WDR33: variants seen among roughly 807,000 people sequenced by gnomAD.
WDR33 encodes the protein pre-mRNA 3' end processing protein WDR33.
Under a neutral mutation model 164.9 loss-of-function variants are expected in WDR33, and 47 were observed. The ratio of observed to expected loss-of-function variants is 0.29; its 90% CI spans 0.23 to 0.36. The LOEUF is 0.36. WDR33 is among the 10% of genes least tolerant of loss of function. WDR33 has a pLI of 1.00. For missense variants in WDR33, 1,137 were observed against 1,754.1 expected (o/e 0.65, Z 6.28); for synonymous variants, 505 against 589.0 (o/e 0.86, Z 2.06).
At chr2:127,771,161 G>A (rs1306338818) in intron 1 of WDR33, among the ~76,000 whole-genome samples, 157 bp from the exon 2 acceptor site, 1 of 152,060 alleles carries the variant, frequency 6.6e-6, no homozygotes, top group Non-Finnish European at 1.5e-5. Flanking sequence ...ACTTAACAAC[G>A]GGCGTATGTT....
chr2:127,782,763 A>G (rs1220747993), intron 1 of WDR33, among the ~76,000 whole-genome samples: 1 of 152,192 alleles, frequency 6.6e-6, no homozygotes. Context: ...CAATCCCAAC[A>G]CTTTGGGAGG....
At chr2:127,779,084 G>A (rs1462262122) in intron 1 of WDR33, among the ~76,000 whole-genome samples, 4 of 151,856 alleles carry the variant, frequency 2.6e-5, no homozygotes, top group East Asian at 1.9e-4. Flanking sequence ...AGCCTAAAGC[G>A]GTGCTTTTTC....
chr2:127,759,246 C>A (rs1687608440), intron 7 of WDR33, among the ~76,000 whole-genome samples: 1 of 152,088 alleles, frequency 6.6e-6, no homozygotes. Flanking sequence ...TCTGTTTTTT[C>A]AACTTATGTA....
intron 21 of WDR33, among the ~76,000 whole-genome samples, chr2:127,707,560 T>G (rs1003338119): frequency 3.3e-5 from 5 of 152,220 alleles, no homozygotes; most frequent in African/African-American, 1.2e-4. Context: ...AATAATGGTG[T>G]GCTGAGTGCC....
intron 4 of WDR33, among the ~76,000 whole-genome samples, chr2:127,766,575 T>C (rs569311436): frequency 6.6e-5 from 10 of 152,310 alleles, no homozygotes; most frequent in African/African-American, 1.9e-4. Flanking sequence ...TCAAACCTTA[T>C]AGCGTAATCC....
rs115515752 is a variant in WDR33, at chr2:127,726,415, G to C, written c.851+236C>G. Reference sequence around the variant, plus strand: ...TCCCTCCTCATCCTCCTCCCCACCCGTATATAACAACCAAATTAAACTTAG... The same window carrying C: ...TCCCTCCTCATCCTCCTCCCCACCCCTATATAACAACCAAATTAAACTTAG... On this transcript the variant is annotated intron_variant, in intron 8 of 21. Coordinates refer to ENST00000322313, the MANE Select transcript of WDR33 (RefSeq NM_018383.5). The surrounding 1 kb of genome is among the most constrained non-coding windows in gnomAD (Gnocchi z 4.8). Among the ~76,000 whole-genome samples, 1,065 of 152,162 alleles carry C rather than the reference G, an allele frequency of 7.0e-3. 10 individuals carry two copies. Among genetic ancestry groups the C allele is most frequent in the African/African-American group, 0.024 (1,013 of 41,508 alleles).
chr2:127,763,047 T>G lies in WDR33; in HGVS notation c.724+15A>C. 6.2e-7 allele frequency: 1 copy of G among 1,613,996 alleles called. No individual in the cohort carries two copies. Among genetic ancestry groups the G allele is most frequent in the Non-Finnish European group, 8.5e-7 (1 of 1,179,888 alleles). On this transcript the variant is annotated intron_variant, in intron 7 of 21. Coordinates refer to ENST00000322313, the MANE Select transcript of WDR33 (RefSeq NM_018383.5). The surrounding 1 kb of genome is among the most constrained non-coding windows in gnomAD (Gnocchi z 4.5). ...CCTATTTAAATATTCCAATCAGTAC[T>G]GTTAGTACACGTACCTCGGAGAATT...
At chr2:127,733,017 C>A (rs935110526) in intron 7 of WDR33, among the ~76,000 whole-genome samples, 11 of 152,082 alleles carry the variant, frequency 7.2e-5, no homozygotes, top group African/African-American at 2.7e-4. Context: ...TGTAATACTG[C>A]AAGAATACAG....
chr2:127,768,823 T>TA, intron 3 of WDR33, 110 bp downstream of exon 3: 2 of 672,354 alleles, frequency 3.0e-6, no homozygotes, highest in Middle Eastern at 2.7e-4. Flanking sequence ...ATTTTAATTA[T>TA]AAAAATGTAA....
intron 7 of WDR33, among the ~76,000 whole-genome samples, chr2:127,756,464 C>T (rs1687525413): frequency 6.6e-6 from 1 of 151,074 alleles, no homozygotes; most frequent in South Asian, 2.1e-4. Context: ...TAATCATATA[C>T]TTTATTAAAG....
Position 127,713,820 on chromosome 2 carries a change from C to T in WDR33, c.3071G>A (p.Arg1024His). 7 of 1,614,262 alleles carry T rather than the reference C, an allele frequency of 4.3e-6. No individual in the cohort carries two copies. Among genetic ancestry groups the T allele is most frequent in the Middle Eastern group, 1.6e-4 (1 of 6,062 alleles). Residue 1024 changes from arginine to histidine, a missense_variant, in exon 18 of 22, where the codon CGC becomes CAC. Physicochemically the swap from Arg to His is conservative, Grantham distance 29 (BLOSUM62 0). Transcript: ENST00000322313. The surrounding 1 kb of genome is among the most constrained non-coding windows in gnomAD (Gnocchi z 6.2). ...SRPDDFHPDK[R>H]FGHRLREFEG... is the part of the protein sequence containing the mutation. ...AAATTCACGTAACCGGTGGCCAAAG[C>T]GCTTGTCAGGGTGGAAGTCATCTGG...
Position 127,706,267 on chromosome 2 carries a change from C to T in WDR33, c.*56G>A. The T allele has an allele frequency of 6.9e-7, 1 of 1,441,030 alleles. No homozygotes were observed. The highest frequency in any genetic ancestry group is 1.5e-5 in the South Asian group (1 of 67,328). The allele number at this position is 1,441,030 out of a possible 1,614,324, so 89.3% of individuals were successfully genotyped here. On this transcript the variant is annotated 3_prime_UTR_variant, in exon 22 of 22. Transcript: ENST00000322313. This position sits in a 1 kb window ranked among gnomAD's most constrained non-coding sequence, Gnocchi z 5.1. ...TTCCTTTTGTTTCTCTTGGTGAGTC[C>T]ACAAGAAGTTCTTACATACTGTCCA...
chr2:127,750,677 A>AAAAATAT (rs1558936792), intron 7 of WDR33, among the ~76,000 whole-genome samples: 2 of 35,802 alleles, frequency 5.6e-5, no homozygotes, highest in Non-Finnish European at 8.8e-5. Context: ...AAAAAAAAAA[A>AAAAATAT]ATATATATAT....
chr2:127,750,740 G>A lies in WDR33; in HGVS notation c.724+12322C>T, dbSNP rs13400184. On this transcript the variant is annotated intron_variant, in intron 7 of 21. Transcript: ENST00000322313. Reference sequence around the variant, plus strand: ...TATGTATGCATACATATATATGTATGCATACATATATATGTATACATACAT... The same window carrying A: ...TATGTATGCATACATATATATGTATACATACATATATATGTATACATACAT... Among the ~76,000 whole-genome samples, 135 of 38,942 alleles carry A rather than the reference G, an allele frequency of 3.5e-3. 4 individuals are homozygous for A. The highest frequency in any genetic ancestry group is 0.022 in the African/African-American group (105 of 4,724). The allele number at this position is 38,942 out of a possible 152,430, so 25.5% of individuals were successfully genotyped here. A position where few individuals can be genotyped will look rare whatever the true frequency, so the allele number is the denominator to read the frequency against.
chr2:127,740,093 TTAAGG>T (rs1446561317), intron 7 of WDR33, among the ~76,000 whole-genome samples: 2 of 152,198 alleles, frequency 1.3e-5, no homozygotes, highest in Non-Finnish European at 2.9e-5. Context: ...TCCTGAGTAC[TTAAGG>T]TAATACTTTT....
intron 7 of WDR33, among the ~76,000 whole-genome samples, chr2:127,744,984 G>T (rs915671161): frequency 1.3e-5 from 2 of 152,026 alleles, no homozygotes. Flanking sequence ...TTAGAGAATG[G>T]CACTGCTAAC....
intron 1 of WDR33, among the ~76,000 whole-genome samples, chr2:127,802,006 C>T (rs1689267613): frequency 6.8e-6 from 1 of 147,640 alleles, no homozygotes; most frequent in African/African-American, 2.6e-5. Flanking sequence ...CATGGTAAAA[C>T]CCCGTCTCTA....
At chr2:127,759,790 T>C (rs1427838314) in intron 7 of WDR33, among the ~76,000 whole-genome samples, 1 of 149,208 alleles carries the variant, frequency 6.7e-6, no homozygotes, top group African/African-American at 2.5e-5. Flanking sequence ...AGTATAATCC[T>C]AGCACTTTGG....
chr2:127,753,541 A>C (rs1365475420), intron 7 of WDR33, among the ~76,000 whole-genome samples: 2 of 152,216 alleles, frequency 1.3e-5, no homozygotes, highest in African/African-American at 2.4e-5. Flanking sequence ...AAAATATTGT[A>C]ACTTGCCCCA....
Sources: allele counts gnomAD v4.1 joint callset (sites outside exome capture counted in the v4.1 genomes callset), GRCh38; gene constraint gnomAD v4.1.1; non-coding constraint Gnocchi (gnomAD v3.1); transcripts MANE v1.5; gene names NCBI Gene and HGNC (gene_info 2026-07-23, HGNC 2026-07-21).